The following CCDC191 variants were observed in gnomAD, a reference collection of about 807,000 sequenced individuals.
The protein encoded by CCDC191 is coiled-coil domain containing 191, also known as coiled-coil domain-containing protein 191.
In CCDC191, 99 loss-of-function variants were observed where a neutral mutation model predicts 114.0. The observed-to-expected ratio is 0.87, with a 90% CI of 0.74 to 1.03. CCDC191 has a LOEUF of 1.03. Ranked by LOEUF, CCDC191 falls within the 50% of genes least tolerant of loss-of-function variation. CCDC191 has a pLI of 0.00. For synonymous variants in CCDC191, 351 were observed against 376.0 expected (o/e 0.93, Z 0.77); for missense variants, 973 against 1,087.0 (o/e 0.90, Z 1.47).
At chr3:114,007,790 TAC>T (rs1327544134) in intron 9 of CCDC191, among the ~76,000 whole-genome samples, 1 of 152,074 alleles carries the variant, frequency 6.6e-6, no homozygotes, top group African/African-American at 2.4e-5. Context: ...GTGTTCTTAG[TAC>T]ATGAGTTCCT....
intron 2 of CCDC191, among the ~76,000 whole-genome samples, chr3:114,047,988 T>A (rs1243231550): frequency 1.3e-5 from 2 of 151,946 alleles, no homozygotes; most frequent in Non-Finnish European, 2.9e-5. Context: ...AGAAAAAAAA[T>A]GTTAAAACTT....
intron 5 of CCDC191, among the ~76,000 whole-genome samples, chr3:114,035,822 A>G (rs1018690239): frequency 6.6e-6 from 1 of 152,166 alleles, no homozygotes; most frequent in Non-Finnish European, 1.5e-5. Context: ...GACAATGACT[A>G]TATAGCTTAT....
At chr3:114,005,046 G>C (rs2075926364) in intron 10 of CCDC191, among the ~76,000 whole-genome samples, 1 of 152,190 alleles carries the variant, frequency 6.6e-6, no homozygotes, top group African/African-American at 2.4e-5. Context: ...AAGCACAACT[G>C]AAACCATCTT....
At chr3:113,978,552 G>A (rs961775893) in intron 15 of CCDC191, 3 of 591,708 alleles carry the variant, frequency 5.1e-6, no homozygotes, top group East Asian at 2.8e-5. Flanking sequence ...AGATTGAAGG[G>A]GTAAGTTTCT....
chr3:113,993,115 T>TA (rs928748610), intron 13 of CCDC191, among the ~76,000 whole-genome samples: 8 of 151,582 alleles, frequency 5.3e-5, no homozygotes, highest in African/African-American at 1.9e-4. Flanking sequence ...CCTTGCATGA[T>TA]AAAAAAAAAT....
chr3:114,018,714 G>C lies in CCDC191; in HGVS notation c.1127C>G (p.Thr376Ser), dbSNP rs775189458. Residue 376 changes from threonine (T) to serine (S), a missense_variant, in exon 8 of 17, where the codon ACT (threonine) becomes AGT (serine). Thr to Ser is a moderately conservative substitution (Grantham distance 58). Coordinates refer to ENST00000295878, the MANE Select transcript of CCDC191 (RefSeq NM_020817.2). ...YTRFQKLERE[T>S]QALENDLREE... ...CCTAAGATCATTTTCCAAGGCTTGAGTCTCCCGCTCCAACTTCTGGAATCT... is the reference window on the plus strand; with the variant it reads ...CCTAAGATCATTTTCCAAGGCTTGACTCTCCCGCTCCAACTTCTGGAATCT... 1 of 1,612,288 alleles carries C rather than the reference G, an allele frequency of 6.2e-7. No individual in the cohort carries two copies. The highest frequency in any genetic ancestry group is 1.1e-5 in the South Asian group (1 of 90,786).
chr3:114,014,006 A>C (rs2076116813), intron 8 of CCDC191, among the ~76,000 whole-genome samples: 1 of 152,228 alleles, frequency 6.6e-6, no homozygotes, highest in African/African-American at 2.4e-5. Flanking sequence ...AACAAAATTC[A>C]CATGTAAGGT....
At chr3:114,018,980 A>G (rs2076206255) in intron 7 of CCDC191, 112 bp from the exon 8 acceptor site, 4 of 894,940 alleles carry the variant, frequency 4.5e-6, no homozygotes, top group Non-Finnish European at 6.9e-6. Flanking sequence ...AAACAAATAC[A>G]GGAACTGTTG....
chr3:114,029,231 C>T, intron 7 of CCDC191, among the ~76,000 whole-genome samples: 1 of 152,008 alleles, frequency 6.6e-6, no homozygotes, highest in Admixed American at 6.6e-5. Flanking sequence ...GTTGAAAGAA[C>T]AAAGGAGCCA....
chr3:114,053,783 A>G (rs1231926716), intron 1 of CCDC191, 148 bp from the exon 2 acceptor site: 11 of 510,218 alleles, frequency 2.2e-5, no homozygotes. Flanking sequence ...CATGATTAGC[A>G]ATAAAAGACA....
At position 113,965,067 on chromosome 3, in the gene CCDC191, G is replaced by C; in HGVS notation, c.*88C>G. ...AAGTAGCTCGTAGAGAATAAACCAG[G>C]TGTATGTATGTATGTGTGTGGGTGG... is the stretch of plus-strand genomic sequence containing the variant. On this transcript the variant is annotated 3_prime_UTR_variant, in exon 17 of 17. Coordinates refer to ENST00000295878, the MANE Select transcript of CCDC191 (RefSeq NM_020817.2). The C allele has an allele frequency of 3.0e-6, 2 of 664,236 alleles. No homozygotes were observed. The highest frequency in any genetic ancestry group is 2.5e-6 in the Non-Finnish European group (1 of 405,020). 41.1% of individuals were successfully genotyped at this position (664,236 alleles called of 1,614,324 possible). A position where few individuals can be genotyped will look rare whatever the true frequency, so the allele number is the denominator to read the frequency against.
chr3:113,972,421 A>G (rs1367193248), intron 16 of CCDC191, among the ~76,000 whole-genome samples: 1 of 152,014 alleles, frequency 6.6e-6, no homozygotes, highest in East Asian at 1.9e-4. Context: ...ATTTTATTCT[A>G]TTGTGGTCAG....
chr3:113,989,593 T>C (rs2075487615), intron 13 of CCDC191, among the ~76,000 whole-genome samples: 1 of 152,106 alleles, frequency 6.6e-6, no homozygotes, highest in African/African-American at 2.4e-5. Context: ...TCAAGGGAAA[T>C]TAAAAATATT....
chr3:113,964,205 A>G lies in CCDC191; in HGVS notation c.*950T>C, dbSNP rs1447626708. 6.6e-6 allele frequency: 1 copy of G among 152,232 alleles called. No homozygotes were observed. Among genetic ancestry groups the G allele is most frequent in the Non-Finnish European group, 1.5e-5 (1 of 68,044 alleles). 9.4% of individuals were successfully genotyped at this position (152,232 alleles called of 1,614,324 possible). ...TTCAGCACACCAAATAAGAGTAATC[A>G]TCTCAGGACTGCACAGGACTTTCTC... On this transcript the variant is annotated 3_prime_UTR_variant, in exon 17 of 17. Coordinates refer to ENST00000295878, the MANE Select transcript of CCDC191 (RefSeq NM_020817.2).
intron 5 of CCDC191, among the ~76,000 whole-genome samples, chr3:114,036,391 T>C (rs1174867364): frequency 2.0e-5 from 3 of 152,032 alleles, no homozygotes; most frequent in Middle Eastern, 3.2e-3. Context: ...TTCTTTTTTT[T>C]CTTTTTGGCT....
rs758740675 is a variant in CCDC191 at position 114,005,712 on chromosome 3, C to T, written c.1664G>A (p.Arg555His). 25 of 1,614,038 alleles carry T rather than the reference C, an allele frequency of 1.5e-5. No individual in the cohort carries two copies. The South Asian group carries it at 1.6e-4, about 11-fold the overall frequency. ...EPLCLGHFHN[R>H]HVFQQQLIEK... is the part of the protein sequence containing the mutation. Reference sequence around the variant, plus strand: ...AATCAGCTGTTGCTGGAAGACATGGCGGTTGTGGAAATGACCCAAGCAAAG... The same window carrying T: ...AATCAGCTGTTGCTGGAAGACATGGTGGTTGTGGAAATGACCCAAGCAAAG... The change falls in exon 10 of 17, where the codon CGC becomes CAC. Residue 555 changes from arginine to histidine, a missense_variant. By Grantham distance (29) the Arg-to-His change is conservative. Coordinates refer to ENST00000295878, the MANE Select transcript of CCDC191 (RefSeq NM_020817.2).
intron 13 of CCDC191, among the ~76,000 whole-genome samples, chr3:113,995,976 TTC>T (rs1491067805): frequency 0.35 from 556 of 1,602 alleles, 15 homozygotes; most frequent in East Asian, 0.37. Context: ...ATGGGACTGT[TTC>T]TTTTTTTTTT....
chr3:113,975,464 T>C (rs1941248730), intron 16 of CCDC191, among the ~76,000 whole-genome samples: 1 of 152,238 alleles, frequency 6.6e-6, no homozygotes, highest in African/African-American at 2.4e-5. Context: ...ATTAGTGTCA[T>C]TCCTGCAATA....
intron 15 of CCDC191, chr3:113,978,560 T>C: frequency 1.7e-6 from 1 of 596,016 alleles, no homozygotes; most frequent in Non-Finnish European, 2.9e-6. Context: ...GGGGTAAGTT[T>C]CTAAATCACT....
Sources: allele counts gnomAD v4.1 joint callset (sites outside exome capture counted in the v4.1 genomes callset), GRCh38; gene constraint gnomAD v4.1.1; transcripts MANE v1.5; gene names NCBI Gene and HGNC (gene_info 2026-07-23, HGNC 2026-07-21).